TCERG1: variants seen among roughly 807,000 people sequenced by gnomAD.
TCERG1 encodes the protein TATA box binding protein (TBP)-associated factor, RNA polymerase II, S, 150kD.
TCERG1 carries 37 observed loss-of-function variants against 144.7 expected under a neutral mutation model. The ratio of observed to expected loss-of-function variants is 0.26; its 90% confidence interval spans 0.20 to 0.34. The LOEUF (loss-of-function observed/expected upper bound fraction) is 0.34. Among genes scored for constraint, TCERG1 ranks in the 10% least tolerant of loss-of-function variants. TCERG1 has a pLI of 1.00. For synonymous variants in TCERG1, 492 were observed against 458.2 expected (o/e 1.07, Z -0.94); for missense variants, 1,027 against 1,380.7 (o/e 0.74, Z 4.06).
At chr5:146,489,495 T>A (rs555615893) in intron 15 of TCERG1, among the ~76,000 whole-genome samples, 5 of 152,294 alleles carry the variant, frequency 3.3e-5, no homozygotes, top group African/African-American at 1.2e-4. Flanking sequence ...TTGTCAACCA[T>A]CTGGGCCACT....
intron 9 of TCERG1, 71 bp from the exon 10 acceptor site, chr5:146,478,422 G>A: frequency 6.9e-7 from 1 of 1,439,844 alleles, no homozygotes. Flanking sequence ...ACTTGTAACA[G>A]GCTGAAAGAA....
chr5:146,466,293 G>A (rs1017934982), intron 5 of TCERG1, among the ~76,000 whole-genome samples: 2 of 152,096 alleles, frequency 1.3e-5, no homozygotes, highest in Non-Finnish European at 2.9e-5. Flanking sequence ...TGTCTTGGAG[G>A]CTTAATTTCT....
chr5:146,463,272 C>T (rs1273334574), intron 4 of TCERG1, among the ~76,000 whole-genome samples: 1 of 152,194 alleles, frequency 6.6e-6, no homozygotes, highest in Non-Finnish European at 1.5e-5. Flanking sequence ...CAAGGCGCAG[C>T]ATCCCAATAT....
At chr5:146,502,084 C>T (rs1268190736) in intron 17 of TCERG1, among the ~76,000 whole-genome samples, 1 of 151,762 alleles carries the variant, frequency 6.6e-6, no homozygotes, top group African/African-American at 2.4e-5. Flanking sequence ...TTAGTAGAAA[C>T]GGGGTTTCAC....
At chr5:146,504,828 C>G (rs1429879593) in intron 19 of TCERG1, among the ~76,000 whole-genome samples, 1 of 152,156 alleles carries the variant, frequency 6.6e-6, no homozygotes, top group African/African-American at 2.4e-5. Context: ...GGGCAGATCA[C>G]TTGGGGTCAG....
chr5:146,468,685 CATTT>C (rs1764006430), intron 6 of TCERG1, among the ~76,000 whole-genome samples: 1 of 152,018 alleles, frequency 6.6e-6, no homozygotes, highest in African/African-American at 2.4e-5. Flanking sequence ...ATATTCATAA[CATTT>C]AATTTTATTT....
At chr5:146,463,417 C>T (rs1202429829) in intron 4 of TCERG1, 134 bp from the exon 5 acceptor site, 1 of 1,283,624 alleles carries the variant, frequency 7.8e-7, no homozygotes, top group East Asian at 2.3e-5. Flanking sequence ...GAAGATAAGA[C>T]CTTTTGACAA....
intron 12 of TCERG1, chr5:146,480,573 A>T (rs142533770): frequency 2.0e-5 from 3 of 153,782 alleles, no homozygotes; most frequent in East Asian, 3.8e-4. Context: ...TAAGAAGTAG[A>T]GGCATTAGCT....
rs577224541 is a variant in TCERG1 at position 146,491,715 on chromosome 5, ACT to A, written c.2164-1200_2164-1199del. The stretch of plus-strand genomic sequence containing the variant: ...ATTCAGATTCCCTTAGTTCAAAGAC[ACT>A]CTCTTTTACTTTCTAGAGCAGGCAG... On this transcript the variant is annotated intron_variant, in intron 15 of 22. Transcript: ENST00000679501. 5.5e-4 allele frequency among the ~76,000 whole-genome samples: 83 copies of A among 152,064 alleles called. 1 individual carries two copies. Among genetic ancestry groups the A allele is most frequent in the African/African-American group, 2.0e-3 (81 of 41,492 alleles).
chr5:146,447,983 T>C (rs73793122), intron 1 of TCERG1, among the ~76,000 whole-genome samples: 1,684 of 152,348 alleles, frequency 0.011, 25 homozygotes, highest in African/African-American at 0.039. Flanking sequence ...TATCCTGTAG[T>C]TGTGAGTAAC....
rs1283802728 is a variant in TCERG1 at position 146,479,034 on chromosome 5, A to T, written c.1762+381A>T. ...TGAAATAATACATTACAAATTTTTTAAAAATACAAAATCTCAATCTTTTGA... is the reference window on the plus strand; with the variant it reads ...TGAAATAATACATTACAAATTTTTTTAAAATACAAAATCTCAATCTTTTGA... On this transcript the variant is annotated intron_variant, in intron 10 of 22. Coordinates refer to ENST00000679501, the MANE Select transcript of TCERG1 (RefSeq NM_001382548.1). Among the ~76,000 whole-genome samples, 4 of 152,284 alleles carry T rather than the reference A, an allele frequency of 2.6e-5. No individual in the cohort carries two copies. The South Asian group carries it at 8.3e-4, about 32-fold the overall frequency.
Position 146,509,233 on chromosome 5 carries a change from T to G in TCERG1, c.3134T>G (p.Phe1045Cys), listed in dbSNP as rs556968964. 1 of 1,605,572 alleles carries G rather than the reference T, an allele frequency of 6.2e-7. No homozygotes were observed. Among genetic ancestry groups the G allele is most frequent in the East Asian group, 2.2e-5 (1 of 44,680 alleles). ...DFRTLLKETK[F>C]ITYRSKKLIQ... ...AGGACGCTTTTGAAAGAGACCAAATTTATAACATATAGGTGTGTGCAATGA... is the reference window on the plus strand; with the variant it reads ...AGGACGCTTTTGAAAGAGACCAAATGTATAACATATAGGTGTGTGCAATGA... Residue 1045 changes from phenylalanine to cysteine, a missense_variant, in exon 22 of 23, where the codon TTT becomes TGT. Phe to Cys is a radical substitution (Grantham distance 205, BLOSUM62 -2). This residue lies in a region of TCERG1 where 133 missense variants were observed against 283.2 expected (regional missense o/e 0.47). Coordinates refer to ENST00000679501, the MANE Select transcript of TCERG1 (RefSeq NM_001382548.1).
At chr5:146,466,886 A>G (rs1763836385) in intron 5 of TCERG1, among the ~76,000 whole-genome samples, 1 of 152,234 alleles carries the variant, frequency 6.6e-6, no homozygotes, top group South Asian at 2.1e-4. Context: ...CTTTGAGAGT[A>G]AAGTTCGTAT....
At chr5:146,497,066 A>G (rs568632832) in intron 16 of TCERG1, among the ~76,000 whole-genome samples, 1 of 151,786 alleles carries the variant, frequency 6.6e-6, no homozygotes, top group South Asian at 2.1e-4. Flanking sequence ...AGACAGGGTT[A>G]CACCTTGTTG....
rs111232294 is a variant in TCERG1, at chr5:146,484,214, T to G, written c.2163+585T>G. On this transcript the variant is annotated intron_variant, in intron 15 of 22. Transcript: ENST00000679501. ...TCTGTTAAAATATCTGTTTCCATCA[T>G]AAACTCAGAAAAACAGTGGATACTT... is the stretch of plus-strand genomic sequence containing the variant. Among the ~76,000 whole-genome samples the G allele has an allele frequency of 3.9e-5, 6 of 152,278 alleles. 1 individual carries two copies. The highest frequency in any genetic ancestry group is 1.4e-4 in the African/African-American group (6 of 41,572).
At chr5:146,468,201 AAG>A in intron 5 of TCERG1, 138 bp from the exon 6 acceptor site, 2 of 636,718 alleles carry the variant, frequency 3.1e-6, no homozygotes, top group South Asian at 6.2e-5. Context: ...GTCAAACAGA[AAG>A]AAATTTTACT....
chr5:146,497,957 A>G (rs1221201232), intron 16 of TCERG1, among the ~76,000 whole-genome samples: 1 of 152,000 alleles, frequency 6.6e-6, no homozygotes, highest in Non-Finnish European at 1.5e-5. Flanking sequence ...TTTCTTGGGT[A>G]CCCTCTCTTT....
In TCERG1 at chr5:146,483,710, C is replaced by A. The variant is rs1307135650; in HGVS notation, c.2163+81C>A. The A allele has an allele frequency of 3.7e-6, 4 of 1,076,020 alleles. No homozygotes were observed. In the East Asian group the frequency reaches 1.0e-4, roughly 27 times the overall value. The allele number at this position is 1,076,020 out of a possible 1,614,324, so 66.7% of individuals were successfully genotyped here. A position where few individuals can be genotyped will look rare whatever the true frequency, so the allele number is the denominator to read the frequency against. ...AAATTATAAGGAATAAAGTACCATC[C>A]CTTTTTTTTCTGATACAGCATTTCA... On this transcript the variant is annotated intron_variant, in intron 15 of 22. Coordinates refer to ENST00000679501, the MANE Select transcript of TCERG1 (RefSeq NM_001382548.1).
At chr5:146,447,560 G>A (rs922845953) in intron 1 of TCERG1, 152 bp downstream of exon 1, 3 of 1,040,944 alleles carry the variant, frequency 2.9e-6, no homozygotes, top group South Asian at 3.0e-5. Context: ...GGGGGAAGGG[G>A]AAGGTGGCTT....
Sources: allele counts gnomAD v4.1 joint callset (sites outside exome capture counted in the v4.1 genomes callset), GRCh38; gene constraint gnomAD v4.1.1; regional missense constraint gnomAD v4.1.1; transcripts MANE v1.5; gene names NCBI Gene and HGNC (gene_info 2026-07-23, HGNC 2026-07-21).